The following RALYL variants were observed in gnomAD, a reference collection of about 807,000 sequenced individuals.
RALYL encodes the protein RALY RNA binding protein like.
A neutral mutation model predicts 35.1 loss-of-function variants in RALYL; 29 were observed. That is an observed-to-expected ratio of 0.83 (90% CI 0.61 to 1.13). RALYL has a LOEUF of 1.13. Among genes scored for constraint, RALYL ranks in the 50% most tolerant of loss-of-function variants. RALYL has a pLI of 0.00. For missense variants in RALYL, 359 were observed against 360.4 expected, an observed-to-expected ratio of 1.00 and a Z score of 0.03; for synonymous variants, 120 against 127.6, an observed-to-expected ratio of 0.94 and a Z score of 0.40.
intron 1 of RALYL, among the ~76,000 whole-genome samples, chr8:84,263,549 C>G (rs192671033): frequency 6.6e-6 from 1 of 152,026 alleles, no homozygotes; most frequent in African/African-American, 2.4e-5. Flanking sequence ...TAGTTGTTAA[C>G]CAAAGGTTAA....
intron 2 of RALYL, among the ~76,000 whole-genome samples, chr8:84,719,167 A>T (rs916445546): frequency 6.6e-6 from 1 of 152,172 alleles, no homozygotes; most frequent in Non-Finnish European, 1.5e-5. Flanking sequence ...ATTTGGCTAT[A>T]ACCCCCAAAG....
At chr8:84,825,754 G>A (rs1829538503) in intron 4 of RALYL, among the ~76,000 whole-genome samples, 1 of 152,112 alleles carries the variant, frequency 6.6e-6, no homozygotes, top group Non-Finnish European at 1.5e-5. Context: ...TGTAATCCCA[G>A]CTTCTTGGGA....
chr8:84,840,733 C>A (rs996830960), intron 4 of RALYL, among the ~76,000 whole-genome samples: 1 of 152,148 alleles, frequency 6.6e-6, no homozygotes, highest in Non-Finnish European at 1.5e-5. Flanking sequence ...TAGGGTTACC[C>A]ACAAAGGGAA....
intron 2 of RALYL, among the ~76,000 whole-genome samples, chr8:84,546,815 T>C: frequency 6.6e-6 from 1 of 152,188 alleles, no homozygotes. Context: ...GTAGGGCTCT[T>C]GAATGACTTT....
chr8:84,462,442 A>T (rs1195192030), intron 1 of RALYL, among the ~76,000 whole-genome samples: 2 of 98,108 alleles, frequency 2.0e-5, no homozygotes, highest in Non-Finnish European at 4.9e-5. Context: ...CTCTCTTTGT[A>T]AAAAAAAAAA....
intron 8 of RALYL, among the ~76,000 whole-genome samples, 181 bp downstream of exon 8, chr8:84,887,957 TTAAAA>T (rs1273105155): frequency 9.2e-5 from 14 of 152,226 alleles, no homozygotes; most frequent in African/African-American, 2.9e-4. Context: ...TATTGCTAAC[TTAAAA>T]TAGGAAAGTC....
chr8:84,327,431 G>C (rs1266541014), intron 1 of RALYL, among the ~76,000 whole-genome samples: 1 of 152,038 alleles, frequency 6.6e-6, no homozygotes, highest in Non-Finnish European at 1.5e-5. Flanking sequence ...GGCAGCTTGT[G>C]GTGTGATGTA....
At chr8:84,353,015 C>T (rs1438745913) in intron 1 of RALYL, among the ~76,000 whole-genome samples, 1 of 150,214 alleles carries the variant, frequency 6.7e-6, no homozygotes, top group East Asian at 1.9e-4. Context: ...TAGACGTTTC[C>T]AGGACACCTG....
chr8:84,538,033 T>G (rs985341219), intron 2 of RALYL, among the ~76,000 whole-genome samples: 3 of 152,154 alleles, frequency 2.0e-5, no homozygotes, highest in Non-Finnish European at 4.4e-5. Flanking sequence ...CAACAGACAT[T>G]TAAAGTTTTC....
At chr8:84,393,550 CAGG>C (rs1210491114) in intron 1 of RALYL, among the ~76,000 whole-genome samples, 4 of 152,042 alleles carry the variant, frequency 2.6e-5, no homozygotes, top group African/African-American at 9.7e-5. Flanking sequence ...ACATCAATAT[CAGG>C]AGGAGGAGAC....
chr8:84,526,285 T>C (rs572719892), intron 1 of RALYL, among the ~76,000 whole-genome samples: 3 of 152,256 alleles, frequency 2.0e-5, no homozygotes, highest in African/African-American at 7.2e-5. Context: ...GTGTTATACT[T>C]TTCTTTGACA....
intron 6 of RALYL, among the ~76,000 whole-genome samples, chr8:84,864,061 C>T (rs1287552023): frequency 6.6e-6 from 1 of 152,042 alleles, no homozygotes; most frequent in Admixed American, 6.6e-5. Flanking sequence ...GACAAATTAC[C>T]AAAGTCAGCT....
chr8:84,887,511 C>G, intron 7 of RALYL, 93 bp from the exon 8 acceptor site: 2 of 1,087,444 alleles, frequency 1.8e-6, no homozygotes, highest in East Asian at 4.8e-5. Flanking sequence ...TAGCATATAG[C>G]GTTTACCCTT....
intron 8 of RALYL, among the ~76,000 whole-genome samples, chr8:84,906,715 G>A (rs1255973411): frequency 6.6e-6 from 1 of 151,636 alleles, no homozygotes; most frequent in African/African-American, 2.4e-5. Flanking sequence ...ACATTTTCAT[G>A]GACTGGCACA....
At chr8:84,698,992 A>G (rs1413807801) in intron 2 of RALYL, among the ~76,000 whole-genome samples, 1 of 146,254 alleles carries the variant, frequency 6.8e-6, no homozygotes, top group African/African-American at 2.5e-5. Flanking sequence ...GTGGCTTTTA[A>G]GATAGGTAGG....
At chr8:84,590,299 C>G (rs906075805) in intron 2 of RALYL, among the ~76,000 whole-genome samples, 1 of 152,146 alleles carries the variant, frequency 6.6e-6, no homozygotes, top group Non-Finnish European at 1.5e-5. Flanking sequence ...AAAACTTATT[C>G]AGTAATTTCT....
chr8:84,397,890 T>C (rs1488396669), intron 1 of RALYL, among the ~76,000 whole-genome samples: 1 of 152,210 alleles, frequency 6.6e-6, no homozygotes, highest in Non-Finnish European at 1.5e-5. Flanking sequence ...CTGTAATAGC[T>C]TCTTTGCCAT....
At chr8:84,340,741 A>G (rs979699399) in intron 1 of RALYL, among the ~76,000 whole-genome samples, 2 of 152,080 alleles carry the variant, frequency 1.3e-5, no homozygotes, top group Non-Finnish European at 2.9e-5. Context: ...AGGTGTTTCC[A>G]TATCTTGGCT....
At chr8:84,640,508 G>A (rs1197233021) in intron 2 of RALYL, among the ~76,000 whole-genome samples, 3 of 151,936 alleles carry the variant, frequency 2.0e-5, no homozygotes, top group Non-Finnish European at 4.4e-5. Flanking sequence ...CTTAGTAACT[G>A]CATAAGAAGT....
Sources: allele counts gnomAD v4.1 joint callset (sites outside exome capture counted in the v4.1 genomes callset), GRCh38; gene constraint gnomAD v4.1.1; transcripts MANE v1.5; gene names NCBI Gene and HGNC (gene_info 2026-07-23, HGNC 2026-07-21).